HEATR4: variants seen among roughly 807,000 people sequenced by gnomAD.
HEATR4 encodes the protein HEAT repeat-containing protein 4.
In HEATR4, 95 loss-of-function variants were observed where a neutral mutation model predicts 108.8. The ratio of observed to expected loss-of-function variants is 0.87; its 90% CI spans 0.74 to 1.04. The LOEUF is 1.04. Ranked by LOEUF, HEATR4 falls within the 50% of genes least tolerant of loss-of-function variation. HEATR4 has a pLI of 0.00. For synonymous variants in HEATR4, 443 were observed against 459.4 expected, an observed-to-expected ratio of 0.96 and a Z score of 0.46; for missense variants, 1,152 against 1,253.8, an observed-to-expected ratio of 0.92 and a Z score of 1.23.
At chr14:73,619,003 G>C in the HEATR4 span, among the ~76,000 whole-genome samples, 1 of 151,772 alleles carries the variant, frequency 6.6e-6, no homozygotes, top group African/African-American at 2.4e-5. Flanking sequence ...GGTGGTGGGC[G>C]CCTGTAATCC....
chr14:73,485,436 T>G (rs1158781338), intron 17 of HEATR4, among the ~76,000 whole-genome samples: 1 of 149,366 alleles, frequency 6.7e-6, no homozygotes, highest in Non-Finnish European at 1.5e-5. Flanking sequence ...AGGGTTTGGC[T>G]CTATTGCCCA....
the HEATR4 span, among the ~76,000 whole-genome samples, chr14:73,572,483 C>T: frequency 6.6e-6 from 1 of 151,662 alleles, no homozygotes; most frequent in African/African-American, 2.4e-5. Flanking sequence ...GGTACATAAT[C>T]TAAGTGGTAA....
intron 1 of HEATR4, among the ~76,000 whole-genome samples, chr14:73,549,513 T>C (rs1370111360): frequency 4.9e-5 from 6 of 121,518 alleles, no homozygotes; most frequent in African/African-American, 1.7e-4. Context: ...GCAAAGCCAT[T>C]TGCCAAGGTC....
chr14:73,530,968 T>C (rs544107813), intron 1 of HEATR4: 5 of 99,044 alleles, frequency 5.0e-5, no homozygotes, highest in Admixed American at 1.2e-4. Flanking sequence ...ATCCCAAAAC[T>C]GGGGCCCAGA....
At chr14:73,493,621 T>A (rs1171963404) in intron 16 of HEATR4, among the ~76,000 whole-genome samples, 2 of 152,228 alleles carry the variant, frequency 1.3e-5, no homozygotes, top group African/African-American at 2.4e-5. Flanking sequence ...GTGGATCACC[T>A]GAGGTCAGCA....
At chr14:73,528,105 C>T (rs1036842623) in intron 2 of HEATR4, among the ~76,000 whole-genome samples, 10 of 151,082 alleles carry the variant, frequency 6.6e-5, no homozygotes, top group African/African-American at 2.4e-4. Flanking sequence ...ATTAGAAATT[C>T]TTAAGGAGGC....
chr14:73,574,867 G>A, the HEATR4 span: 2 of 1,613,278 alleles, frequency 1.2e-6, no homozygotes, highest in Admixed American at 1.7e-5. Context: ...TCCACTGTTT[G>A]TGGAATCATT....
At chr14:73,503,930 C>T (rs1886645739) in intron 10 of HEATR4, among the ~76,000 whole-genome samples, 1 of 152,194 alleles carries the variant, frequency 6.6e-6, no homozygotes, top group Non-Finnish European at 1.5e-5. Flanking sequence ...CCCCTGCTAG[C>T]TCTGCATGTC....
chr14:73,493,870 T>C (rs1216228964), intron 16 of HEATR4, among the ~76,000 whole-genome samples: 1 of 152,188 alleles, frequency 6.6e-6, no homozygotes, highest in Admixed American at 6.5e-5. Flanking sequence ...AAGAATCTTA[T>C]CTGATTGGGA....
chr14:73,585,090 C>T, the HEATR4 span, among the ~76,000 whole-genome samples: 18 of 152,066 alleles, frequency 1.2e-4, no homozygotes, highest in East Asian at 3.5e-3. Flanking sequence ...TGGGCAGCTC[C>T]CCCACCAGCT....
rs886611910 is a variant in HEATR4 at position 73,514,164 on chromosome 14, C to T, written c.1281G>A (p.Gln427=). The change falls in exon 6 of 18, where the codon CAG becomes CAA. Residue 427 remains glutamine (Q), a synonymous_variant. Transcript: ENST00000553558. ...TAATAGGCACATCCTTCTCACCCACCTGCAGCAGCATATCCTTGGCGGGGG... is the reference window on the plus strand; with the variant it reads ...TAATAGGCACATCCTTCTCACCCACTTGCAGCAGCATATCCTTGGCGGGGG... ...LPTPAKDMLL[Q]VGEKDVPIKT... The T allele has an allele frequency of 4.3e-6, 7 of 1,614,106 alleles. No individual in the cohort carries two copies. In the Admixed American group the frequency reaches 1.0e-4, roughly 23 times the overall value.
chr14:73,504,463 C>T (rs975620511), intron 10 of HEATR4, among the ~76,000 whole-genome samples: 7 of 152,036 alleles, frequency 4.6e-5, no homozygotes, highest in African/African-American at 1.4e-4. Context: ...AGGATGGTCT[C>T]GATCTCCTGA....
At chr14:73,500,356 T>C (rs1481207899) in intron 12 of HEATR4, among the ~76,000 whole-genome samples, 194 bp downstream of exon 12, 7 of 151,956 alleles carry the variant, frequency 4.6e-5, no homozygotes, top group Admixed American at 6.6e-5. Flanking sequence ...AATTCTTCCA[T>C]TGTGGCCCAG....
At position 73,536,753 on chromosome 14, in the gene HEATR4, TCA is replaced by T. The variant is rs1240871108; in HGVS notation, c.-151-6511_-151-6510del. ...ACCTGTAAGGAATAAAGCTCAGAGGTCACACAGCTAGTAAGAAGCCAGCACCC... is the reference window on the plus strand; with the variant it reads ...ACCTGTAAGGAATAAAGCTCAGAGGTCACAGCTAGTAAGAAGCCAGCACCC... On this transcript the variant is annotated intron_variant, in intron 1 of 17. Coordinates refer to ENST00000553558, the MANE Select transcript of HEATR4 (RefSeq NM_001220484.1). Among the ~76,000 whole-genome samples the T allele has an allele frequency of 1.8e-5, 2 of 113,546 alleles. 1 individual carries two copies. Among genetic ancestry groups the T allele is most frequent in the Non-Finnish European group, 3.8e-5 (2 of 52,566 alleles). 74.5% of individuals were successfully genotyped at this position (113,546 alleles called of 152,430 possible). A position where few individuals can be genotyped will look rare whatever the true frequency, so the allele number is the denominator to read the frequency against.
intron 17 of HEATR4, chr14:73,491,024 G>T: frequency 6.6e-7 from 1 of 1,510,480 alleles, no homozygotes; most frequent in African/African-American, 1.4e-5. Context: ...GGCCATGGAT[G>T]GGCTCCAGGC....
At chr14:73,563,533 T>G (rs1365349694), upstream of HEATR4, among the ~76,000 whole-genome samples, 2 of 152,000 alleles carry the variant, frequency 1.3e-5, no homozygotes, top group African/African-American at 4.8e-5. Flanking sequence ...AGGTGGAGGT[T>G]GCAGTGAGCT....
At chr14:73,520,648 G>GGA in intron 4 of HEATR4, 2 of 505,300 alleles carry the variant, frequency 4.0e-6, no homozygotes, top group Middle Eastern at 5.3e-4. Context: ...GAGAAAGCGG[G>GGA]GAGAGAGAGC....
In HEATR4 at chr14:73,534,816, T is replaced by G. The variant is rs568440990; in HGVS notation, c.-151-4572A>C. ...TGTCTTATCTTTTCTGCTTTTTTTT[T>G]TTTTTTTAAGGGATGAGGTCTTGCT... On this transcript the variant is annotated intron_variant, in intron 1 of 17. Coordinates refer to ENST00000553558, the MANE Select transcript of HEATR4 (RefSeq NM_001220484.1). Among the ~76,000 whole-genome samples, 24 of 110,354 alleles carry G rather than the reference T, an allele frequency of 2.2e-4. 5 individuals are homozygous for G. Among genetic ancestry groups the G allele is most frequent in the African/African-American group, 7.1e-4 (24 of 33,996 alleles). The allele number at this position is 110,354 out of a possible 152,430, so 72.4% of individuals were successfully genotyped here. A position where few individuals can be genotyped will look rare whatever the true frequency, so the allele number is the denominator to read the frequency against.
intron 17 of HEATR4, among the ~76,000 whole-genome samples, chr14:73,486,495 C>T (rs1034592774): frequency 6.6e-6 from 1 of 151,970 alleles, no homozygotes; most frequent in African/African-American, 2.4e-5. Context: ...TCCAGGAGTT[C>T]AAGACCAGCT....
Sources: gnomAD v4.1 joint callset for allele counts (sites outside exome capture counted in the v4.1 genomes callset) on GRCh38, gnomAD v4.1.1 for gene constraint, MANE v1.5 for transcripts, NCBI Gene and HGNC (gene_info 2026-07-23, HGNC 2026-07-21) for gene names.